The following RABGAP1L variants were observed in gnomAD, a reference collection of about 807,000 sequenced individuals.
The protein encoded by RABGAP1L is RAB GTPase activating protein 1 like, also known as rab GTPase-activating protein 1-like.
A neutral mutation model predicts 137.7 loss-of-function variants in RABGAP1L; 63 were observed. The observed-to-expected ratio is 0.46, with a 90% CI of 0.37 to 0.56. RABGAP1L has a LOEUF of 0.56. Among genes scored for constraint, RABGAP1L ranks in the 20% least tolerant of loss-of-function variants. RABGAP1L has a pLI of 0.00. For missense variants in RABGAP1L, 1,095 were observed against 1,244.0 expected (o/e 0.88, Z 1.80); for synonymous variants, 431 against 433.7 (o/e 0.99, Z 0.08).
At chr1:174,617,243 C>T (rs1369336509) in intron 13 of RABGAP1L, among the ~76,000 whole-genome samples, 2 of 152,152 alleles carry the variant, frequency 1.3e-5, no homozygotes, top group Non-Finnish European at 2.9e-5. Flanking sequence ...TTCAGCTTTG[C>T]CCTATCTCCA....
intron 11 of RABGAP1L, among the ~76,000 whole-genome samples, chr1:174,345,501 C>A (rs541983098): frequency 1.3e-5 from 2 of 151,986 alleles, no homozygotes; most frequent in Admixed American, 1.3e-4. Context: ...AGAGGTCTTT[C>A]GCTTGTTTGG....
chr1:174,258,319 C>CT (rs1415555655), intron 7 of RABGAP1L, among the ~76,000 whole-genome samples: 1 of 152,204 alleles, frequency 6.6e-6, no homozygotes, highest in Admixed American at 6.5e-5. Flanking sequence ...GGGTCTCACT[C>CT]TGTCACCCAG....
At chr1:174,305,740 AT>A (rs1558117278) in intron 11 of RABGAP1L, among the ~76,000 whole-genome samples, 1 of 148,740 alleles carries the variant, frequency 6.7e-6, no homozygotes, top group Non-Finnish European at 1.5e-5. Flanking sequence ...TTTCTATTTT[AT>A]TTTTTCTATT....
intron 18 of RABGAP1L, among the ~76,000 whole-genome samples, chr1:174,806,444 A>G (rs2148840670): frequency 6.6e-6 from 1 of 152,214 alleles, no homozygotes; most frequent in East Asian, 1.9e-4. Context: ...TAAAAGAAAC[A>G]AACAAAAAAA....
intron 14 of RABGAP1L, among the ~76,000 whole-genome samples, chr1:174,639,867 A>G (rs922449827): frequency 6.6e-6 from 1 of 152,182 alleles, no homozygotes. Context: ...AATACTCATC[A>G]GTACATTCCC....
At chr1:174,240,938 T>TTG (rs71958106) in intron 4 of RABGAP1L, among the ~76,000 whole-genome samples, 99 of 150,678 alleles carry the variant, frequency 6.6e-4, no homozygotes, top group Admixed American at 2.9e-3. Flanking sequence ...ATGTGTGTGT[T>TTG]TGTGTGTGTG....
rs747671420 is a variant in RABGAP1L, at chr1:174,664,730, C to CTTTTTTTTTTTTTTTTTTTTT, written c.1825-18789_1825-18788insTTTTTTTTTTTTTTTTTTTTT. 2.4e-4 allele frequency among the ~76,000 whole-genome samples: 24 copies of CTTTTTTTTTTTTTTTTTTTTT among 98,910 alleles called. 3 individuals are homozygous for CTTTTTTTTTTTTTTTTTTTTT. Among genetic ancestry groups the CTTTTTTTTTTTTTTTTTTTTT allele is most frequent in the African/African-American group, 1.4e-3 (22 of 15,654 alleles). 64.9% of individuals were successfully genotyped at this position (98,910 alleles called of 152,430 possible). A position where few individuals can be genotyped will look rare whatever the true frequency, so the allele number is the denominator to read the frequency against. ...CTCTCTCTTTCTTTCTTTCTTTCTG[C>CTTTTTTTTTTTTTTTTTTTTT]TTTCTTTTTTTTTTTTTTTTTTTTT... is the stretch of plus-strand genomic sequence containing the variant. On this transcript the variant is annotated intron_variant, in intron 14 of 25. Transcript: ENST00000681986.
chr1:174,725,252 T>C (rs541628510), intron 17 of RABGAP1L, among the ~76,000 whole-genome samples: 11 of 152,328 alleles, frequency 7.2e-5, no homozygotes, highest in African/African-American at 2.6e-4. Flanking sequence ...GCAATGAACT[T>C]GCAATTGAAG....
At chr1:174,748,665 GT>G (rs201834284) in intron 17 of RABGAP1L, among the ~76,000 whole-genome samples, 3,847 of 151,850 alleles carry the variant, frequency 0.025, 64 homozygotes, top group Non-Finnish European at 0.036. Context: ...GAGGCCAGGA[GT>G]TCAAGAATAG....
chr1:174,610,848 GT>G (rs1671176336), intron 13 of RABGAP1L, among the ~76,000 whole-genome samples: 1 of 152,154 alleles, frequency 6.6e-6, no homozygotes, highest in Non-Finnish European at 1.5e-5. Flanking sequence ...CTGCATAAAT[GT>G]CTTCTTTTGA....
chr1:174,988,959 CTAA>C (rs1671839949), intron 25 of RABGAP1L, 121 bp downstream of exon 25: 1 of 785,714 alleles, frequency 1.3e-6, no homozygotes, highest in African/African-American at 1.8e-5. Context: ...TTTCTGTCTG[CTAA>C]TGTGTCCTGC....
chr1:174,693,631 T>C (rs949752237), intron 15 of RABGAP1L, among the ~76,000 whole-genome samples: 1 of 152,216 alleles, frequency 6.6e-6, no homozygotes, highest in Non-Finnish European at 1.5e-5. Context: ...TATTTACTCA[T>C]TCATTCAATT....
At chr1:174,346,528 C>T (rs941289462) in intron 11 of RABGAP1L, among the ~76,000 whole-genome samples, 4 of 152,062 alleles carry the variant, frequency 2.6e-5, no homozygotes, top group South Asian at 4.1e-4. Flanking sequence ...TGTATTGACA[C>T]GTAGCTGCTC....
Position 174,990,049 on chromosome 1 carries a change from A to C in RABGAP1L, c.*48A>C. Reference sequence around the variant, plus strand: ...GAGCACAATGTTCAAACCAATGGAAATCTGGGAGGATTCTTCCTGGTGTCC... The same window carrying C: ...GAGCACAATGTTCAAACCAATGGAACTCTGGGAGGATTCTTCCTGGTGTCC... On this transcript the variant is annotated 3_prime_UTR_variant, in exon 26 of 26. Coordinates refer to ENST00000681986, the MANE Select transcript of RABGAP1L (RefSeq NM_001366446.1). 1.4e-6 allele frequency: 2 copies of C among 1,459,918 alleles called. No homozygotes were observed. Among genetic ancestry groups the C allele is most frequent in the South Asian group, 1.3e-5 (1 of 78,700 alleles). The allele number at this position is 1,459,918 out of a possible 1,614,324, so 90.4% of individuals were successfully genotyped here.
chr1:174,613,298 C>T (rs1432394677), intron 13 of RABGAP1L, among the ~76,000 whole-genome samples: 1 of 152,018 alleles, frequency 6.6e-6, no homozygotes, highest in East Asian at 1.9e-4. Flanking sequence ...TTATTTCTGC[C>T]TTCATTTTGT....
At chr1:174,214,837 T>C (rs982440061) in intron 1 of RABGAP1L, among the ~76,000 whole-genome samples, 7 of 152,006 alleles carry the variant, frequency 4.6e-5, no homozygotes, top group African/African-American at 1.4e-4. Context: ...AAAAACAAAA[T>C]TAAAATACAT....
At chr1:174,315,877 G>A (rs901998674) in intron 11 of RABGAP1L, among the ~76,000 whole-genome samples, 3 of 151,608 alleles carry the variant, frequency 2.0e-5, no homozygotes, top group East Asian at 1.9e-4. Flanking sequence ...GCTTAGATTC[G>A]CACCTTTGAG....
chr1:174,264,788 C>T (rs1434804718), intron 7 of RABGAP1L, among the ~76,000 whole-genome samples: 4 of 143,968 alleles, frequency 2.8e-5, no homozygotes, highest in Admixed American at 6.9e-5. Context: ...AGAAAAAATA[C>T]GAATAGAAAT....
At chr1:174,459,162 AATTTAT>A (rs1656388451) in intron 13 of RABGAP1L, among the ~76,000 whole-genome samples, 1 of 152,120 alleles carries the variant, frequency 6.6e-6, no homozygotes. Context: ...AAAGAGCCAC[AATTTAT>A]ATTTACACAA....
Sources: gnomAD v4.1 joint callset for allele counts (sites outside exome capture counted in the v4.1 genomes callset) on GRCh38, gnomAD v4.1.1 for gene constraint, MANE v1.5 for transcripts, NCBI Gene and HGNC (gene_info 2026-07-23, HGNC 2026-07-21) for gene names.